The following LHFPL3 variants were observed in gnomAD, a reference collection of about 807,000 sequenced individuals.
The protein encoded by LHFPL3 is LHFPL tetraspan subfamily member 3, also known as LHFPL tetraspan subfamily member 3 protein.
In LHFPL3, 5 loss-of-function variants were observed where a neutral mutation model predicts 19.3. The ratio of observed to expected loss-of-function variants is 0.26; its 90% CI spans 0.14 to 0.54. The LOEUF (loss-of-function observed/expected upper bound fraction) is 0.54. Ranked by LOEUF, LHFPL3 falls within the 20% of genes least tolerant of loss-of-function variation. LHFPL3 has a pLI of 0.94. For synonymous variants in LHFPL3, 133 were observed against 126.2 expected, an observed-to-expected ratio of 1.05 and a Z score of -0.36; for missense variants, 249 against 307.4, an observed-to-expected ratio of 0.81 and a Z score of 1.42.
chr7:104,381,143 C>T (rs1056474378), intron 1 of LHFPL3, among the ~76,000 whole-genome samples: 2 of 152,124 alleles, frequency 1.3e-5, no homozygotes, highest in Non-Finnish European at 2.9e-5. Flanking sequence ...AATTAAAACC[C>T]ATGGTTCACT....
chr7:104,533,818 A>C (rs956268187), intron 1 of LHFPL3, among the ~76,000 whole-genome samples: 6 of 151,688 alleles, frequency 4.0e-5, no homozygotes, highest in African/African-American at 1.5e-4. Context: ...TTGGACTTCT[A>C]CCTCCCTTTC....
intron 1 of LHFPL3, among the ~76,000 whole-genome samples, chr7:104,333,687 T>A (rs1239533424): frequency 6.6e-6 from 1 of 152,242 alleles, no homozygotes; most frequent in African/African-American, 2.4e-5. Context: ...CTATATTTCT[T>A]AGCCTGCAAG....
At chr7:104,567,806 T>C (rs540190432) in intron 1 of LHFPL3, among the ~76,000 whole-genome samples, 11 of 152,294 alleles carry the variant, frequency 7.2e-5, no homozygotes, top group Admixed American at 6.5e-4. Flanking sequence ...ACCCTCAGCA[T>C]GGACATAGTG....
At chr7:104,395,874 CTT>C (rs541757249) in intron 1 of LHFPL3, among the ~76,000 whole-genome samples, 68 of 152,290 alleles carry the variant, frequency 4.5e-4, no homozygotes, top group African/African-American at 1.6e-3. Context: ...AAAAATAAAA[CTT>C]TCCTTTTTAT....
intron 1 of LHFPL3, among the ~76,000 whole-genome samples, chr7:104,702,860 T>C (rs1271484660): frequency 6.6e-6 from 1 of 152,214 alleles, no homozygotes; most frequent in East Asian, 1.9e-4. Context: ...CTCTTCCACA[T>C]TGTTTCATCA....
chr7:104,469,466 A>C (rs1437801656), intron 1 of LHFPL3, among the ~76,000 whole-genome samples: 1 of 152,172 alleles, frequency 6.6e-6, no homozygotes, highest in African/African-American at 2.4e-5. Flanking sequence ...CTCTTTTGAA[A>C]GTTTTTTTCT....
Position 104,510,048 on chromosome 7 carries a change from C to A in LHFPL3, c.445+180824C>A, listed in dbSNP as rs541271976. Among the ~76,000 whole-genome samples the A allele has an allele frequency of 4.6e-5, 7 of 152,128 alleles. No homozygotes were observed. The East Asian group carries it at 1.4e-3, about 29-fold the overall frequency. On this transcript the variant is annotated intron_variant, in intron 1 of 2. Transcript: ENST00000424859. The stretch of plus-strand genomic sequence containing the variant: ...GGTCCTAAAACATGTACAGGACTTG[C>A]ATGCTGAAAACCAAATAATGCTGAT...
intron 1 of LHFPL3, among the ~76,000 whole-genome samples, chr7:104,711,809 G>A (rs1366912569): frequency 6.6e-6 from 1 of 152,118 alleles, no homozygotes; most frequent in Non-Finnish European, 1.5e-5. Context: ...GAAGACACAG[G>A]TGCTCAGAAT....
intron 1 of LHFPL3, among the ~76,000 whole-genome samples, chr7:104,468,939 G>A (rs1365561602): frequency 6.6e-6 from 1 of 152,142 alleles, no homozygotes; most frequent in Non-Finnish European, 1.5e-5. Context: ...GATAACAGGT[G>A]TGAGCCACAA....
intron 2 of LHFPL3, among the ~76,000 whole-genome samples, chr7:104,833,158 C>G (rs1184303692): frequency 1.0e-5 from 1 of 98,194 alleles, no homozygotes; most frequent in Non-Finnish European, 1.9e-5. Context: ...TGCAGACAGC[C>G]TATTGTGGGA....
intron 1 of LHFPL3, among the ~76,000 whole-genome samples, chr7:104,596,587 T>C (rs1411470054): frequency 6.6e-6 from 1 of 152,198 alleles, no homozygotes; most frequent in East Asian, 1.9e-4. Context: ...GGTCTATCTG[T>C]GTGTTTCAAG....
intron 1 of LHFPL3, among the ~76,000 whole-genome samples, chr7:104,703,150 T>C (rs1481372492): frequency 1.3e-5 from 2 of 152,262 alleles, no homozygotes; most frequent in Non-Finnish European, 2.9e-5. Flanking sequence ...AATCAAGATG[T>C]AGCTTTTAAA....
At chr7:104,591,708 G>A (rs988697933) in intron 1 of LHFPL3, among the ~76,000 whole-genome samples, 3 of 151,302 alleles carry the variant, frequency 2.0e-5, no homozygotes, top group African/African-American at 4.8e-5. Context: ...CCTGAAGAGT[G>A]TTTTCCAAGT....
intron 1 of LHFPL3, among the ~76,000 whole-genome samples, chr7:104,603,252 G>A (rs541648433): frequency 6.7e-6 from 1 of 150,310 alleles, no homozygotes; most frequent in Non-Finnish European, 1.5e-5. Context: ...CTGGAGTACA[G>A]TGACACAATC....
At chr7:104,824,521 AT>A (rs1263717009) in intron 2 of LHFPL3, among the ~76,000 whole-genome samples, 1 of 71,594 alleles carries the variant, frequency 1.4e-5, no homozygotes, top group Non-Finnish European at 2.4e-5. Context: ...TATATATATT[AT>A]TTTATATATA....
At chr7:104,795,650 G>A (rs140519333) in intron 2 of LHFPL3, among the ~76,000 whole-genome samples, 78 of 152,224 alleles carry the variant, frequency 5.1e-4, no homozygotes, top group Non-Finnish European at 1.0e-3. Flanking sequence ...TTGGATACAA[G>A]GACAGTAAAT....
intron 1 of LHFPL3, among the ~76,000 whole-genome samples, chr7:104,508,693 G>C (rs933886016): frequency 4.0e-5 from 6 of 151,348 alleles, no homozygotes; most frequent in African/African-American, 1.5e-4. Flanking sequence ...ATAAATCTAA[G>C]CTTCCATCTC....
At chr7:104,799,327 G>C (rs1169599602) in intron 2 of LHFPL3, 1 of 152,160 alleles carries the variant, frequency 6.6e-6, no homozygotes, top group Non-Finnish European at 1.5e-5. Flanking sequence ...GCTGATGCTC[G>C]GGCCAACAAA....
chr7:104,409,165 G>T (rs1210126127), intron 1 of LHFPL3, among the ~76,000 whole-genome samples: 2 of 151,750 alleles, frequency 1.3e-5, no homozygotes, highest in Non-Finnish European at 2.9e-5. Context: ...CGTGAGCCAC[G>T]GCGCCCGGCC....
Sources: allele counts gnomAD v4.1 joint callset (sites outside exome capture counted in the v4.1 genomes callset), GRCh38; gene constraint gnomAD v4.1.1; transcripts MANE v1.5; gene names NCBI Gene and HGNC (gene_info 2026-07-23, HGNC 2026-07-21).